The following TUSC3 variants were observed in gnomAD, a reference collection of about 807,000 sequenced individuals.
The protein encoded by TUSC3 is tumor suppressor candidate 3, also known as dolichyl-diphosphooligosaccharide--protein glycosyltransferase subunit TUSC3.
TUSC3 carries 45 observed loss-of-function variants against 44.8 expected under a neutral mutation model. That is an observed-to-expected ratio of 1.00 (90% CI 0.79 to 1.29). The LOEUF (loss-of-function observed/expected upper bound fraction) is 1.29. Ranked by LOEUF, TUSC3 falls within the 50% of genes most tolerant of loss-of-function variation. The pLI, the probability that TUSC3 is intolerant of heterozygous loss-of-function variation, is 0.00. For synonymous variants in TUSC3, 212 were observed against 152.9 expected, an observed-to-expected ratio of 1.39 and a Z score of -2.85; for missense variants, 519 against 437.9, an observed-to-expected ratio of 1.19 and a Z score of -1.65.
At chr8:15,630,817 A>C (rs954728374) in intron 2 of TUSC3, among the ~76,000 whole-genome samples, 5 of 152,194 alleles carry the variant, frequency 3.3e-5, no homozygotes, top group African/African-American at 1.2e-4. Context: ...AATTGAATAC[A>C]GCTGGCTAAA....
intron 1 of TUSC3, among the ~76,000 whole-genome samples, chr8:15,562,128 T>C (rs1215149174): frequency 6.6e-6 from 1 of 152,148 alleles, no homozygotes; most frequent in African/African-American, 2.4e-5. Flanking sequence ...TCAGAGATCT[T>C]GGAGATAAGA....
At chr8:15,663,585 C>CT (rs1359185697) in intron 5 of TUSC3, among the ~76,000 whole-genome samples, 6 of 151,984 alleles carry the variant, frequency 3.9e-5, no homozygotes, top group Admixed American at 3.9e-4. Flanking sequence ...ACCTCTGTGG[C>CT]TTTCTAGTAC....
chr8:15,522,326 G>A (rs1027752912), intron 2 of TUSC3, among the ~76,000 whole-genome samples: 3 of 151,888 alleles, frequency 2.0e-5, no homozygotes, highest in East Asian at 1.9e-4. Context: ...TCTGCCTCCC[G>A]GGTTCAAGCA....
chr8:15,440,289 G>A (rs1800003635), intron 1 of TUSC3, among the ~76,000 whole-genome samples: 2 of 152,140 alleles, frequency 1.3e-5, no homozygotes, highest in Non-Finnish European at 2.9e-5. Flanking sequence ...TTGGGAGTAT[G>A]ACAGATCCAA....
At chr8:15,463,189 A>G (rs1455277319) in intron 1 of TUSC3, among the ~76,000 whole-genome samples, 1 of 152,112 alleles carries the variant, frequency 6.6e-6, no homozygotes, top group East Asian at 1.9e-4. Flanking sequence ...ATTGCAGAGT[A>G]AAATTTTCCA....
chr8:15,489,625 G>A (rs375852440), intron 2 of TUSC3, among the ~76,000 whole-genome samples: 35 of 152,272 alleles, frequency 2.3e-4, no homozygotes, highest in South Asian at 1.7e-3. Context: ...GTCATGTGAT[G>A]CTATACTACA....
chr8:15,465,332 A>T (rs1255858740), intron 1 of TUSC3, among the ~76,000 whole-genome samples: 1 of 152,206 alleles, frequency 6.6e-6, no homozygotes, highest in Non-Finnish European at 1.5e-5. Context: ...AGGGAAACTT[A>T]CATGTCTCAA....
the TUSC3 span, among the ~76,000 whole-genome samples, chr8:15,815,919 C>T: frequency 1.3e-5 from 2 of 152,116 alleles, no homozygotes; most frequent in Non-Finnish European, 2.9e-5. Flanking sequence ...TAGAAGTTCT[C>T]TGTAAGTGCC....
chr8:15,526,115 C>G (rs1285061138), intron 2 of TUSC3, among the ~76,000 whole-genome samples: 2 of 152,024 alleles, frequency 1.3e-5, no homozygotes, highest in Non-Finnish European at 2.9e-5. Flanking sequence ...TCACTGCAAG[C>G]TCCGCCTCCA....
the TUSC3 span, among the ~76,000 whole-genome samples, chr8:15,782,614 A>G: frequency 6.6e-6 from 1 of 152,230 alleles, no homozygotes; most frequent in South Asian, 2.1e-4. Context: ...TCACCATATT[A>G]ACAGAACAAA....
At chr8:15,781,239 A>G in the TUSC3 span, among the ~76,000 whole-genome samples, 2 of 151,990 alleles carry the variant, frequency 1.3e-5, no homozygotes, top group African/African-American at 4.8e-5. Flanking sequence ...GAAATAAATC[A>G]CTCACTCTCG....
At chr8:15,717,738 G>A (rs533084454) in intron 6 of TUSC3, among the ~76,000 whole-genome samples, 39 of 151,972 alleles carry the variant, frequency 2.6e-4, no homozygotes, top group Middle Eastern at 3.4e-3. Flanking sequence ...TCTTCATTTT[G>A]TACCATGTAA....
At chr8:15,688,417 A>C (rs1808734297) in intron 6 of TUSC3, among the ~76,000 whole-genome samples, 2 of 139,620 alleles carry the variant, frequency 1.4e-5, no homozygotes, top group African/African-American at 2.6e-5. Context: ...TCAAAAACTA[A>C]CACTTCAGTA....
chr8:15,633,679 C>T (rs1805924207), intron 2 of TUSC3, among the ~76,000 whole-genome samples: 1 of 152,108 alleles, frequency 6.6e-6, no homozygotes, highest in Admixed American at 6.5e-5. Context: ...AATAATTTAG[C>T]TGGAAGCCAG....
intron 1 of TUSC3, among the ~76,000 whole-genome samples, chr8:15,458,825 T>C (rs1434702797): frequency 6.6e-6 from 1 of 152,188 alleles, no homozygotes; most frequent in Non-Finnish European, 1.5e-5. Context: ...GCCAGTTCTT[T>C]CTAAGTTATA....
intron 1 of TUSC3, among the ~76,000 whole-genome samples, chr8:15,601,155 C>T (rs1321916703): frequency 1.3e-5 from 2 of 151,526 alleles, no homozygotes; most frequent in South Asian, 4.1e-4. Flanking sequence ...CTAAATGATT[C>T]TAGTAGGAGG....
intron 10 of TUSC3, among the ~76,000 whole-genome samples, chr8:15,762,624 AAAC>A (rs1056130501): frequency 2.6e-5 from 4 of 152,126 alleles, no homozygotes; most frequent in African/African-American, 9.7e-5. Flanking sequence ...TTTAAACACT[AAAC>A]AACAAAAAGC....
chr8:15,675,669 C>T (rs1585217873), intron 6 of TUSC3, among the ~76,000 whole-genome samples: 1 of 152,060 alleles, frequency 6.6e-6, no homozygotes, highest in Non-Finnish European at 1.5e-5. Flanking sequence ...ATGTTTAGCT[C>T]CTACTTATAA....
At chr8:15,813,915 G>T in the TUSC3 span, among the ~76,000 whole-genome samples, 1 of 152,018 alleles carries the variant, frequency 6.6e-6, no homozygotes, top group Non-Finnish European at 1.5e-5. Context: ...TAGCTCCACC[G>T]TTACTAAGTT....
Sources: gnomAD v4.1 joint callset for allele counts (sites outside exome capture counted in the v4.1 genomes callset) on GRCh38, gnomAD v4.1.1 for gene constraint, MANE v1.5 for transcripts, NCBI Gene and HGNC (gene_info 2026-07-23, HGNC 2026-07-21) for gene names.